The following MATK variants were observed in gnomAD, a reference collection of about 807,000 sequenced individuals.
The protein encoded by MATK is megakaryocyte-associated tyrosine-protein kinase.
Under a neutral mutation model 59.8 loss-of-function variants are expected in MATK, and 41 were observed. The ratio of observed to expected loss-of-function variants is 0.69; its 90% CI spans 0.53 to 0.89. The LOEUF (loss-of-function observed/expected upper bound fraction) is 0.89, where lower values mean the gene tolerates loss of function less well. MATK is among the 40% of genes least tolerant of loss of function. The probability of loss-of-function intolerance (pLI) is 0.00; values close to 1 mark genes in which losing one functional copy is unlikely to be tolerated. For missense variants in MATK, 593 were observed against 719.6 expected, an observed-to-expected ratio of 0.82 and a Z score of 2.01; for synonymous variants, 308 against 306.1, an observed-to-expected ratio of 1.01 and a Z score of -0.06.
chr19:3,798,329 GCCT>G (rs887672920), intron 1 of MATK, among the ~76,000 whole-genome samples: 4 of 148,056 alleles, frequency 2.7e-5, no homozygotes, highest in African/African-American at 1.0e-4. Context: ...GCTGACGGAA[GCCT>G]CCTCACCACA....
chr19:3,785,020 C>T lies in MATK; in HGVS notation c.72+44G>A, dbSNP rs373046729. 7 of 1,586,546 alleles carry T rather than the reference C, an allele frequency of 4.4e-6. No individual in the cohort carries two copies. The South Asian group carries it at 6.6e-5, about 15-fold the overall frequency. ...CTCCCCAGAGGCATCCTGGATGGGA[C>T]CCAGAACTGGCTCCCCAAGCCCCTG... On this transcript the variant is annotated intron_variant, in intron 2 of 13. Transcript: ENST00000310132.
upstream of MATK, among the ~76,000 whole-genome samples, chr19:3,789,721 C>CT (rs34795629): frequency 0.019 from 1,674 of 86,524 alleles, 107 homozygotes; most frequent in African/African-American, 0.063. Context: ...GGCAACTTTG[C>CT]TTTTTTTTTT....
At chr19:3,792,510 C>CTTTTTTT (rs140778999) in intron 1 of MATK, among the ~76,000 whole-genome samples, 9 of 99,740 alleles carry the variant, frequency 9.0e-5, no homozygotes, top group Admixed American at 2.7e-4. Context: ...ATTTCCAACT[C>CTTTTTTT]TTTTTTTTTT....
chr19:3,779,070 C>A lies in MATK; in HGVS notation c.1119G>T (p.Leu373=). The A allele has an allele frequency of 6.2e-7, 1 of 1,608,334 alleles. No homozygotes were observed. The highest frequency in any genetic ancestry group is 1.1e-5 in the South Asian group (1 of 90,992). ...CTAGCCCCTTCCGCTCGGCTTTGGC[C>A]AGGCCAAAGTCGCTGACCTTGGCCA... is the stretch of plus-strand genomic sequence containing the variant. ...DLVAKVSDFG[L]AKAERKGLDS... is the part of the protein sequence containing the mutation. Residue 373 remains leucine, a synonymous_variant, in exon 12 of 14, where the codon CTG becomes CTT. Transcript: ENST00000310132.
upstream of MATK, chr19:3,789,168 C>T: frequency 1.6e-6 from 1 of 639,268 alleles, no homozygotes; most frequent in Non-Finnish European, 2.9e-6. Context: ...GTCACAGTCA[C>T]TGCGGGCCCA....
At chr19:3,784,616 T>G (rs1599200295) in intron 3 of MATK, 165 bp from the exon 4 acceptor site, 4 of 621,882 alleles carry the variant, frequency 6.4e-6, no homozygotes, top group Admixed American at 2.7e-5. Context: ...AAAGGGGGAG[T>G]GGGGTGCTCA....
At position 3,783,846 on chromosome 19, in the gene MATK, C is replaced by T. The variant is rs777981970; in HGVS notation, c.550G>A (p.Val184Met). 10 of 1,612,788 alleles carry T rather than the reference C, an allele frequency of 6.2e-6. No homozygotes were observed. Among genetic ancestry groups the T allele is most frequent in the African/African-American group, 2.7e-5 (2 of 74,908 alleles). ...RDGHLTIDEAVFFCNLMDMVE... is the reference protein window; with the variant it reads ...RDGHLTIDEAMFFCNLMDMVE... ...ATGTCCATGAGGTTGCAGAAGAACA[C>T]GGCCTCATCGATTGTGAGGTGGCCG... Residue 184 changes from valine (V) to methionine (M), a missense_variant, in exon 6 of 14, where the codon GTG becomes ATG. By Grantham distance (21) the Val-to-Met change is conservative (BLOSUM62 1). Transcript: ENST00000310132.
At chr19:3,785,360 G>T (rs2037467187) in intron 1 of MATK, 74 bp from the exon 2 acceptor site, 1 of 1,059,978 alleles carries the variant, frequency 9.4e-7, no homozygotes, top group Non-Finnish European at 1.3e-6. Context: ...CTGACCGTGG[G>T]GTGGAGCTGG....
At position 3,796,580 on chromosome 19, in the gene MATK, G is replaced by T. The variant is rs189326539; in HGVS notation, c.-58+4952C>A. Among the ~76,000 whole-genome samples the T allele has an allele frequency of 5.3e-5, 8 of 152,216 alleles. No individual in the cohort carries two copies. The East Asian group carries it at 1.5e-3, about 29-fold the overall frequency. On this transcript the variant is annotated intron_variant, in intron 1 of 13. Transcript: ENST00000395045. ...TTTCCCTGGAGTTAGTCATCGCCTT[G>T]GTTTTATGTGTCTGTGACTCTTTCC... is the stretch of plus-strand genomic sequence containing the variant.
rs1027030913 is a variant in MATK at position 3,786,376 on chromosome 19, C to G, written c.-359G>C. ...GGCCCCCGCGGGTCCTAGCGCCGGC[C>G]GCACTGCGGTCTCCTCCGCGCGCCG... On this transcript the variant is annotated 5_prime_UTR_variant, in exon 1 of 14. Coordinates refer to ENST00000310132, the MANE Select transcript of MATK (RefSeq NM_139355.3). This position sits in a 1 kb window ranked among gnomAD's most constrained non-coding sequence, Gnocchi z 4.1. 1.0e-6 allele frequency: 1 copy of G among 982,556 alleles called. No homozygotes were observed. Among genetic ancestry groups the G allele is most frequent in the Non-Finnish European group, 1.2e-6 (1 of 828,756 alleles). The allele number at this position is 982,556 out of a possible 1,614,324, so 60.9% of individuals were successfully genotyped here.
chr19:3,780,173 G>A lies in MATK; in HGVS notation c.743-376C>T, dbSNP rs950866767. ...CACATGCCTGTAATCCCAGCTACTC[G>A]GGAGGCTGAGGCAGGAGAATCACTT... On this transcript the variant is annotated intron_variant, in intron 8 of 13. Transcript: ENST00000310132. Among the ~76,000 whole-genome samples, 11 of 152,084 alleles carry A rather than the reference G, an allele frequency of 7.2e-5. No homozygotes were observed. The East Asian group carries it at 1.2e-3, about 16-fold the overall frequency.
chr19:3,779,507 C>T, intron 10 of MATK, 26 bp downstream of exon 10: 1 of 1,610,680 alleles, frequency 6.2e-7, no homozygotes, highest in Non-Finnish European at 8.5e-7. Context: ...TGCGTGGGCC[C>T]CCTCCCCGCC....
intron 6 of MATK, 75 bp downstream of exon 6, chr19:3,783,739 T>A: frequency 1.4e-6 from 2 of 1,395,266 alleles, no homozygotes; most frequent in African/African-American, 2.8e-5. Flanking sequence ...CCCCTCTATC[T>A]CTACGTAGGG....
intron 1 of MATK, among the ~76,000 whole-genome samples, chr19:3,801,295 ACGGG>A (rs986172663): frequency 3.9e-5 from 6 of 152,106 alleles, no homozygotes; most frequent in African/African-American, 1.2e-4. Context: ...CCGGGACAAG[ACGGG>A]CAACAATCTT....
At position 3,779,162 on chromosome 19, in the gene MATK, G is replaced by A. The variant is rs77048445; in HGVS notation, c.1027C>T (p.Leu343=). 1 of 1,601,260 alleles carries A rather than the reference G, an allele frequency of 6.2e-7. No homozygotes were observed. Among genetic ancestry groups the A allele is most frequent in the South Asian group, 1.1e-5 (1 of 90,302 alleles). ...CGGTGCACAAGCTTCTTGCTCTCCA[G>A]GTACTCCATGCCCTCGGCCACGTGC... The part of the protein sequence containing the change: ...SLHVAEGMEY[L]ESKKLVHRDL... Residue 343 remains leucine (L), a synonymous_variant, in exon 12 of 14, where the codon CTG becomes TTG. Coordinates refer to ENST00000310132, the MANE Select transcript of MATK (RefSeq NM_139355.3).
chr19:3,791,859 G>GCA (rs1364091121), intron 1 of MATK, among the ~76,000 whole-genome samples: 2 of 151,986 alleles, frequency 1.3e-5, no homozygotes, highest in Non-Finnish European at 2.9e-5. Context: ...TGTAATCCCA[G>GCA]CACTTTGGGA....
chr19:3,779,266 G>A (rs2037362937), intron 11 of MATK, 79 bp from the exon 12 acceptor site: 1 of 1,547,118 alleles, frequency 6.5e-7, no homozygotes. Flanking sequence ...GGGTGCCTGG[G>A]GCCACAAGCT....
At chr19:3,779,334 C>T in intron 11 of MATK, 44 bp downstream of exon 11, 1 of 1,603,186 alleles carries the variant, frequency 6.2e-7, no homozygotes, top group Non-Finnish European at 8.5e-7. Flanking sequence ...GGAATCTGCG[C>T]CCCGACGACC....
Position 3,779,757 on chromosome 19 carries a change from C to T in MATK, c.783G>A (p.Val261=). ...CTGTCACATCACACTTGATATTCTT[C>T]ACGGCCACCTTTTGCCCCAGGTACT... ...QGEYLGQKVA[V]KNIKCDVTAQ... Residue 261 remains valine (V), a synonymous_variant, in exon 9 of 14, where the codon GTG becomes GTA. Coordinates refer to ENST00000310132, the MANE Select transcript of MATK (RefSeq NM_139355.3). 6.2e-7 allele frequency: 1 copy of T among 1,613,174 alleles called. No individual in the cohort carries two copies. The highest frequency in any genetic ancestry group is 1.7e-5 in the Admixed American group (1 of 60,028).
Sources: allele counts gnomAD v4.1 joint callset (sites outside exome capture counted in the v4.1 genomes callset), GRCh38; gene constraint gnomAD v4.1.1; non-coding constraint Gnocchi (gnomAD v3.1); transcripts MANE v1.5; gene names NCBI Gene and HGNC (gene_info 2026-07-23, HGNC 2026-07-21).